The following TJAP1 variants were observed in gnomAD, a reference collection of about 807,000 sequenced individuals.
TJAP1 encodes the protein tight junction-associated protein 1.
TJAP1 carries 27 observed loss-of-function variants against 42.0 expected under a neutral mutation model. The ratio of observed to expected loss-of-function variants is 0.64; its 90% CI spans 0.47 to 0.89. TJAP1 has a LOEUF of 0.89. Among genes scored for constraint, TJAP1 ranks in the 40% least tolerant of loss-of-function variants. The probability of loss-of-function intolerance (pLI) is 0.00; values close to 1 mark genes in which losing one functional copy is unlikely to be tolerated. For synonymous variants in TJAP1, 257 were observed against 288.4 expected (o/e 0.89, Z 1.10); for missense variants, 712 against 726.9 (o/e 0.98, Z 0.24).
intron 5 of TJAP1, 142 bp downstream of exon 5, chr6:43,500,914 G>A (rs1790378030): frequency 1.1e-6 from 1 of 894,456 alleles, no homozygotes; most frequent in Non-Finnish European, 1.8e-6. Context: ...ACTCTGGGAG[G>A]AGTGTTGATG....
intron 5 of TJAP1, chr6:43,500,997 G>A (rs1790393969): frequency 5.2e-6 from 3 of 575,582 alleles, no homozygotes; most frequent in Admixed American, 3.0e-5. Flanking sequence ...ATCAGGAGGC[G>A]AATGGCTCTG....
In TJAP1 at chr6:43,498,976, A is replaced by G. The variant is rs774954290; in HGVS notation, c.-24-2A>G. 9 of 1,612,226 alleles carry G rather than the reference A, an allele frequency of 5.6e-6. No homozygotes were observed. Among genetic ancestry groups the G allele is most frequent in the Middle Eastern group, 1.7e-4 (1 of 6,058 alleles). Reference sequence around the variant, plus strand: ...GCCTGCCTCCTTCTTGCTTCTCAGCAGGCGGAGGAGCCGTCACCTCCCAGA... The same window carrying G: ...GCCTGCCTCCTTCTTGCTTCTCAGCGGGCGGAGGAGCCGTCACCTCCCAGA... On this transcript the variant is annotated splice_acceptor_variant, in intron 3 of 10. Transcript: ENST00000372449. LOFTEE classifies it low-confidence loss of function (5UTR_SPLICE).
chr6:43,492,082 C>G lies in TJAP1; in HGVS notation c.-121-5799C>G, dbSNP rs1787937163. Reference sequence around the variant, plus strand: ...TTTTTTGCAGGGAGGGGTTGGTTTGCCTGGCTCTTTAGCCCCTTGTTCCTG... The same window carrying G: ...TTTTTTGCAGGGAGGGGTTGGTTTGGCTGGCTCTTTAGCCCCTTGTTCCTG... On this transcript the variant is annotated intron_variant, in intron 2 of 10. Coordinates refer to ENST00000372449, the Ensembl canonical transcript of TJAP1. This position sits in a 1 kb window ranked among gnomAD's most constrained non-coding sequence, Gnocchi z 4.2. Among the ~76,000 whole-genome samples the G allele has an allele frequency of 6.6e-6, 1 of 152,124 alleles. No individual in the cohort carries two copies. Among genetic ancestry groups the G allele is most frequent in the Non-Finnish European group, 1.5e-5 (1 of 68,020 alleles).
At chr6:43,477,896 A>G (rs1263365203) in intron 1 of TJAP1, among the ~76,000 whole-genome samples, 191 bp from the exon 2 acceptor site, 1 of 152,158 alleles carries the variant, frequency 6.6e-6, no homozygotes, top group Non-Finnish European at 1.5e-5. Flanking sequence ...CAGAGTCACA[A>G]GTTGGAGGAA....
intron 6 of TJAP1, among the ~76,000 whole-genome samples, chr6:43,501,917 ACACACACACACTCT>A (rs1405389126): frequency 2.8e-4 from 36 of 128,156 alleles, no homozygotes; most frequent in African/African-American, 6.7e-4. Context: ...ACACACACAC[ACACACACACACTCT>A]CTCTCTCTCT....
chr6:43,497,501 C>A, intron 2 of TJAP1: 1 of 152,194 alleles, frequency 6.6e-6, no homozygotes. Context: ...TCCTGGTGTT[C>A]TCATTTGTAA....
chr6:43,503,509 G>T lies in TJAP1; in HGVS notation c.495+1G>T, dbSNP rs1351837030. 1 of 1,613,158 alleles carries T rather than the reference G, an allele frequency of 6.2e-7. No individual in the cohort carries two copies. The highest frequency in any genetic ancestry group is 8.5e-7 in the Non-Finnish European group (1 of 1,179,102). On this transcript the variant is annotated splice_donor_variant, in intron 9 of 10. Transcript: ENST00000372449. LOFTEE classifies it high-confidence loss of function. ...CATCAACAAGCTGGAAGAGCTCAAT[G>T]TATGTGCGCTTCACTACTCGGGCCT... is the stretch of plus-strand genomic sequence containing the variant.
chr6:43,504,999 A>G (rs775214291), exon 11 of TJAP1: 3 of 1,613,854 alleles, frequency 1.9e-6, no homozygotes, highest in Admixed American at 1.7e-5. Flanking sequence ...GTCCCAGGTG[A>G]TCCAGCCAGT....
chr6:43,501,707 GACACACACACACACACAC>G lies in TJAP1; in HGVS notation c.290+55_290+72del, dbSNP rs70990192. ...CCGCAGGTGTGGGAATGAGGGGCCA[GACACACACACACACACAC>G]ACACACACACACACACACACACACA... On this transcript the variant is annotated intron_variant, in intron 6 of 10. Transcript: ENST00000372449. 1.2e-3 allele frequency: 678 copies of G among 571,830 alleles called. 1 individual carries two copies. Among genetic ancestry groups the G allele is most frequent in the South Asian group, 6.9e-3 (384 of 55,414 alleles). The allele number at this position is 571,830 out of a possible 1,614,324, so 35.4% of individuals were successfully genotyped here. A position where few individuals can be genotyped will look rare whatever the true frequency, so the allele number is the denominator to read the frequency against.
At chr6:43,499,030 C>A (rs745481384) in exon 4 of TJAP1, 1 of 1,614,140 alleles carries the variant, frequency 6.2e-7, no homozygotes, top group African/African-American at 1.3e-5. Flanking sequence ...GCTAAGAAAC[C>A]CTACCGTAAG....
chr6:43,481,762 C>A (rs2127467564), intron 2 of TJAP1, among the ~76,000 whole-genome samples: 1 of 152,180 alleles, frequency 6.6e-6, no homozygotes, highest in Non-Finnish European at 1.5e-5. Context: ...AGAGGTGTGC[C>A]CAAGGTTTCA....
intron 2 of TJAP1, among the ~76,000 whole-genome samples, chr6:43,483,144 T>C (rs1785661763): frequency 6.6e-6 from 1 of 151,426 alleles, no homozygotes. Flanking sequence ...AAAAAAGTCT[T>C]CCCTTAGAAA....
intron 2 of TJAP1, among the ~76,000 whole-genome samples, chr6:43,485,156 C>T (rs1404241246): frequency 6.6e-6 from 1 of 152,232 alleles, no homozygotes; most frequent in Non-Finnish European, 1.5e-5. Flanking sequence ...AAGCTGCTCA[C>T]AGTGGATGAC....
rs2127572819 is a variant in TJAP1 at position 43,495,773 on chromosome 6, TG to T, written c.-121-2104del. Among the ~76,000 whole-genome samples the T allele has an allele frequency of 6.6e-6, 1 of 152,208 alleles. No individual in the cohort carries two copies. The highest frequency in any genetic ancestry group is 1.9e-4 in the East Asian group (1 of 5,182). The stretch of plus-strand genomic sequence containing the variant: ...AGATCGCCTCTGGCCATGGAAGCCC[TG>T]GGGATAAATACATGCTGTAGGGCCA... On this transcript the variant is annotated intron_variant, in intron 2 of 10. Coordinates refer to ENST00000372449, the Ensembl canonical transcript of TJAP1. The surrounding 1 kb of genome is among the most constrained non-coding windows in gnomAD (Gnocchi z 4.6).
At chr6:43,481,583 CAG>C in intron 2 of TJAP1, among the ~76,000 whole-genome samples, 1 of 131,808 alleles carries the variant, frequency 7.6e-6, no homozygotes. Context: ...GCAAACTACA[CAG>C]AAAAAAAAAA....
At chr6:43,489,405 G>A (rs1787298211) in intron 2 of TJAP1, among the ~76,000 whole-genome samples, 1 of 152,242 alleles carries the variant, frequency 6.6e-6, no homozygotes, top group Non-Finnish European at 1.5e-5. Flanking sequence ...CTGTAGGCCA[G>A]GCACACACTG....
intron 8 of TJAP1, 144 bp downstream of exon 8, chr6:43,502,761 C>T (rs891114553): frequency 1.1e-5 from 10 of 910,692 alleles, no homozygotes; most frequent in Non-Finnish European, 1.6e-5. Flanking sequence ...GTTTAACTGT[C>T]AATGCCTCCC....
chr6:43,483,653 C>T (rs2127480826), intron 2 of TJAP1, among the ~76,000 whole-genome samples: 1 of 152,318 alleles, frequency 6.6e-6, no homozygotes, highest in East Asian at 1.9e-4. Flanking sequence ...GTGAAAGAAT[C>T]TGATTGTGGA....
At position 43,495,531 on chromosome 6, in the gene TJAP1, C is replaced by T. The variant is rs1022719628; in HGVS notation, c.-121-2350C>T. The stretch of plus-strand genomic sequence containing the variant: ...CCTGGTGTTGAGGAACACCATGGGC[C>T]CCCTGGTGGATTGTCTTCCCAGTGG... On this transcript the variant is annotated intron_variant, in intron 2 of 10. Coordinates refer to ENST00000372449, the Ensembl canonical transcript of TJAP1. The surrounding 1 kb of genome is among the most constrained non-coding windows in gnomAD (Gnocchi z 4.6). Among the ~76,000 whole-genome samples, 3 of 152,272 alleles carry T rather than the reference C, an allele frequency of 2.0e-5. No homozygotes were observed. The highest frequency in any genetic ancestry group is 4.8e-5 in the African/African-American group (2 of 41,550).
Sources: gnomAD v4.1 joint callset for allele counts (sites outside exome capture counted in the v4.1 genomes callset) on GRCh38, gnomAD v4.1.1 for gene constraint, Gnocchi (gnomAD v3.1) non-coding constraint, MANE v1.5 for transcripts, NCBI Gene and HGNC (gene_info 2026-07-23, HGNC 2026-07-21) for gene names.